The following C1orf21 variants were observed in gnomAD, a reference collection of about 807,000 sequenced individuals.
The protein encoded by C1orf21 is uncharacterized protein C1orf21.
C1orf21 carries 3 observed loss-of-function variants against 18.7 expected under a neutral mutation model. The observed-to-expected ratio is 0.16, with a 90% CI of 0.07 to 0.42. The LOEUF is 0.42. C1orf21 is among the 10% of genes least tolerant of loss of function. C1orf21 has a pLI of 0.99. For synonymous variants in C1orf21, 41 were observed against 46.4 expected, an observed-to-expected ratio of 0.88 and a Z score of 0.47; for missense variants, 104 against 143.6, an observed-to-expected ratio of 0.72 and a Z score of 1.41.
chr1:184,618,909 A>G (rs570087263), intron 5 of C1orf21, among the ~76,000 whole-genome samples: 4 of 152,326 alleles, frequency 2.6e-5, no homozygotes, highest in African/African-American at 9.6e-5. Flanking sequence ...AGGATAAAAT[A>G]TGTTCACAAA....
intron 3 of C1orf21, among the ~76,000 whole-genome samples, chr1:184,537,320 A>T (rs960993047): frequency 6.6e-6 from 1 of 152,196 alleles, no homozygotes; most frequent in South Asian, 2.1e-4. Context: ...CCTGGCAACC[A>T]CCATTCTATT....
chr1:184,493,865 G>A (rs746497407), intron 2 of C1orf21, among the ~76,000 whole-genome samples: 1 of 152,166 alleles, frequency 6.6e-6, no homozygotes, highest in Admixed American at 6.5e-5. Flanking sequence ...TGGCCAGCAT[G>A]TTAAAATGAA....
At chr1:184,465,969 A>C (rs1410134434) in intron 1 of C1orf21, among the ~76,000 whole-genome samples, 1 of 152,146 alleles carries the variant, frequency 6.6e-6, no homozygotes, top group Non-Finnish European at 1.5e-5. Context: ...AGCCTCAGGC[A>C]TGTTCTTCCT....
At chr1:184,580,310 A>G (rs1452926087) in intron 3 of C1orf21, among the ~76,000 whole-genome samples, 3 of 152,198 alleles carry the variant, frequency 2.0e-5, no homozygotes, top group African/African-American at 7.2e-5. Context: ...TCTCGATCTC[A>G]CTTATTTAAA....
chr1:184,439,917 G>A (rs975212941), intron 1 of C1orf21, among the ~76,000 whole-genome samples: 3 of 152,154 alleles, frequency 2.0e-5, no homozygotes, highest in African/African-American at 7.2e-5. Flanking sequence ...GGTTTTTGTG[G>A]TTGTTAATTT....
At chr1:184,445,451 A>C (rs1008307070) in intron 1 of C1orf21, among the ~76,000 whole-genome samples, 7 of 150,118 alleles carry the variant, frequency 4.7e-5, no homozygotes, top group Non-Finnish European at 8.9e-5. Context: ...AACCCCATAA[A>C]AAAAGGAAAA....
intron 2 of C1orf21, among the ~76,000 whole-genome samples, chr1:184,502,646 A>G (rs1463935341): frequency 6.6e-6 from 1 of 152,190 alleles, no homozygotes; most frequent in African/African-American, 2.4e-5. Context: ...CATAAGGGAT[A>G]TTTACAAATA....
chr1:184,423,970 C>A lies in C1orf21; in HGVS notation c.-125+36602C>A, dbSNP rs115422282. On this transcript the variant is annotated intron_variant, in intron 1 of 5. Coordinates refer to ENST00000235307, the MANE Select transcript of C1orf21 (RefSeq NM_030806.4). ...GGTGCTGGCAACGTAAAGTTTAATA[C>A]AATAGTCCTGCCCTTGAGGATCTCA... Among the ~76,000 whole-genome samples, 1,089 of 152,234 alleles carry A rather than the reference C, an allele frequency of 7.2e-3. 17 individuals carry two copies. The highest frequency in any genetic ancestry group is 0.025 in the African/African-American group (1,030 of 41,548).
At chr1:184,591,809 GAA>G (rs914684201) in intron 4 of C1orf21, among the ~76,000 whole-genome samples, 2 of 129,562 alleles carry the variant, frequency 1.5e-5, no homozygotes. Context: ...CCATCTCAAG[GAA>G]AAAAAAAAAA....
intron 5 of C1orf21, among the ~76,000 whole-genome samples, chr1:184,618,753 G>A (rs913376982): frequency 6.6e-6 from 1 of 151,456 alleles, no homozygotes; most frequent in African/African-American, 2.4e-5. Context: ...CTATGACATC[G>A]GACACAGGCA....
chr1:184,397,224 C>T (rs906641257), intron 1 of C1orf21, among the ~76,000 whole-genome samples: 2 of 152,138 alleles, frequency 1.3e-5, no homozygotes, highest in African/African-American at 2.4e-5. Flanking sequence ...TTCATAATGT[C>T]TGTTATTAAA....
chr1:184,608,599 A>C (rs761991933), intron 5 of C1orf21, among the ~76,000 whole-genome samples: 1 of 152,196 alleles, frequency 6.6e-6, no homozygotes, highest in Non-Finnish European at 1.5e-5. Flanking sequence ...CCCTTAATTT[A>C]ACCTGTGTTT....
intron 1 of C1orf21, among the ~76,000 whole-genome samples, chr1:184,419,109 T>C (rs61823538): frequency 0.11 from 16,991 of 152,102 alleles, 1,154 homozygotes; most frequent in East Asian, 0.15. Context: ...TAGAATGGGA[T>C]GTCAAACAGC....
chr1:184,438,341 A>C (rs952342736), intron 1 of C1orf21, among the ~76,000 whole-genome samples: 7 of 152,246 alleles, frequency 4.6e-5, no homozygotes, highest in African/African-American at 1.7e-4. Flanking sequence ...GAGAGTTAGA[A>C]GGGATCTTGC....
At chr1:184,463,249 C>G (rs1177424665) in intron 1 of C1orf21, among the ~76,000 whole-genome samples, 6 of 152,086 alleles carry the variant, frequency 3.9e-5, no homozygotes, top group African/African-American at 1.4e-4. Flanking sequence ...TCCTCGTGAT[C>G]TCAGGGTAGG....
At chr1:184,525,906 C>T (rs1344045602) in intron 3 of C1orf21, among the ~76,000 whole-genome samples, 1 of 152,110 alleles carries the variant, frequency 6.6e-6, no homozygotes, top group Admixed American at 6.5e-5. Flanking sequence ...AAACTTCATT[C>T]TGCTGTAGAT....
At chr1:184,582,511 T>C (rs917723349) in intron 3 of C1orf21, among the ~76,000 whole-genome samples, 1 of 152,234 alleles carries the variant, frequency 6.6e-6, no homozygotes, top group Non-Finnish European at 1.5e-5. Context: ...CAAGAGCCGA[T>C]ACTCTAATCC....
intron 5 of C1orf21, among the ~76,000 whole-genome samples, chr1:184,612,091 A>G (rs1410485972): frequency 2.0e-5 from 3 of 152,222 alleles, no homozygotes; most frequent in Non-Finnish European, 4.4e-5. Context: ...CTGTGTTATT[A>G]GAAATATAGT....
chr1:184,508,915 G>A (rs1023272527), intron 3 of C1orf21, among the ~76,000 whole-genome samples: 2 of 152,090 alleles, frequency 1.3e-5, no homozygotes, highest in African/African-American at 4.8e-5. Flanking sequence ...TGCCTACATG[G>A]TGTTTATTTT....
Sources: gnomAD v4.1 joint callset for allele counts (sites outside exome capture counted in the v4.1 genomes callset) on GRCh38, gnomAD v4.1.1 for gene constraint, MANE v1.5 for transcripts, NCBI Gene and HGNC (gene_info 2026-07-23, HGNC 2026-07-21) for gene names.